Variants in ARID1A observed in about 807,000 individuals in gnomAD.
ARID1A encodes the protein AT-rich interactive domain-containing protein 1A.
In ARID1A, 20 loss-of-function variants were observed where a neutral mutation model predicts 212.6. The observed-to-expected ratio is 0.09, with a 90% CI of 0.07 to 0.14. The LOEUF (loss-of-function observed/expected upper bound fraction) is 0.14. ARID1A is among the 10% of genes least tolerant of loss of function. The pLI, the probability that ARID1A is intolerant of heterozygous loss-of-function variation, is 1.00. For missense variants in ARID1A, 2,587 were observed against 3,059.0 expected (o/e 0.85, Z 3.64); for synonymous variants, 1,376 against 1,222.1 (o/e 1.13, Z -2.63).
In ARID1A at chr1:26,696,155, G is replaced by T; in HGVS notation, c.-249G>T. The T allele has an allele frequency of 9.8e-6, 5 of 509,244 alleles. No homozygotes were observed. Among genetic ancestry groups the T allele is most frequent in the Non-Finnish European group, 1.4e-5 (5 of 359,636 alleles). The allele number at this position is 509,244 out of a possible 1,614,324, so 31.5% of individuals were successfully genotyped here. A position where few individuals can be genotyped will look rare whatever the true frequency, so the allele number is the denominator to read the frequency against. ...AGCCGGGTCCCGAGCCTACAGAGCC[G>T]GGAGCAGCTGAGCCGCCGGCGCCTC... On this transcript the variant is annotated 5_prime_UTR_variant, in exon 1 of 20. Transcript: ENST00000324856.
intron 1 of ARID1A, among the ~76,000 whole-genome samples, chr1:26,719,027 G>C (rs913441757): frequency 2.0e-5 from 3 of 152,140 alleles, no homozygotes; most frequent in Non-Finnish European, 4.4e-5. Flanking sequence ...CAAAATCAAG[G>C]ATAATGGGGG....
Position 26,697,259 on chromosome 1 carries a change from A to G in ARID1A, c.856A>G (p.Thr286Ala), listed in dbSNP as rs755778566. 6.6e-6 allele frequency: 9 copies of G among 1,369,104 alleles called. No individual in the cohort carries two copies. The highest frequency in any genetic ancestry group is 7.5e-6 in the Non-Finnish European group (8 of 1,069,080). 84.8% of individuals were successfully genotyped at this position (1,369,104 alleles called of 1,614,324 possible). A position where few individuals can be genotyped will look rare whatever the true frequency, so the allele number is the denominator to read the frequency against. ...CGGCCCCTCCGCGGCCGGCGGGGGA[A>G]CTCCCCAGCCCACCGCCACCCCCAC... The part of the protein sequence containing the change: ...GGGPSAAGGG[T>A]PQPTATPTLN... The change falls in exon 1 of 20, where the codon ACT (threonine) becomes GCT (alanine). Residue 286 changes from threonine to alanine, a missense_variant. Physicochemically the swap from Thr to Ala is moderately conservative, Grantham distance 58. This residue lies in a region of ARID1A where 735 missense variants were observed against 590.6 expected (regional missense o/e 1.24). Coordinates refer to ENST00000324856, the MANE Select transcript of ARID1A (RefSeq NM_006015.6).
intron 14 of ARID1A, among the ~76,000 whole-genome samples, 154 bp downstream of exon 14, chr1:26,773,141 TTCTTG>T (rs1194052430): frequency 2.6e-5 from 4 of 151,998 alleles, no homozygotes; most frequent in Non-Finnish European, 5.9e-5. Flanking sequence ...CTTACCTCCT[TTCTTG>T]TCTTCTCCTT....
rs188551365 is a variant in ARID1A, at chr1:26,732,313, G to T, written c.1804-363G>T. ...GTTGGAATAAATATCTCATCCCAAG[G>T]TGATGTCTTTGAATGAAGCAGTACT... On this transcript the variant is annotated intron_variant, in intron 3 of 19. Coordinates refer to ENST00000324856, the MANE Select transcript of ARID1A (RefSeq NM_006015.6). 3.4e-3 allele frequency among the ~76,000 whole-genome samples: 516 copies of T among 152,252 alleles called. 2 individuals are homozygous for T. Among genetic ancestry groups the T allele is most frequent in the Non-Finnish European group, 5.4e-3 (365 of 68,012 alleles).
At chr1:26,701,925 G>A (rs956908897) in intron 1 of ARID1A, among the ~76,000 whole-genome samples, 1 of 152,196 alleles carries the variant, frequency 6.6e-6, no homozygotes, top group African/African-American at 2.4e-5. Flanking sequence ...GGAAAGTTAG[G>A]TAGATTTCAT....
Position 26,765,996 on chromosome 1 carries a change from C to T in ARID1A, c.2733-225C>T, listed in dbSNP as rs191266592. Reference sequence around the variant, plus strand: ...GATTAAGGCTGCAGTAAGCTATGATCACACCACTGCATTCCAGCCAGGGTG... The same window carrying T: ...GATTAAGGCTGCAGTAAGCTATGATTACACCACTGCATTCCAGCCAGGGTG... On this transcript the variant is annotated intron_variant, in intron 8 of 19. Transcript: ENST00000324856. The T allele has an allele frequency of 2.0e-4, 107 of 530,194 alleles. No individual in the cohort carries two copies. The East Asian group carries it at 3.3e-3, about 17-fold the overall frequency. The allele number at this position is 530,194 out of a possible 1,614,324, so 32.8% of individuals were successfully genotyped here. A position where few individuals can be genotyped will look rare whatever the true frequency, so the allele number is the denominator to read the frequency against.
Position 26,763,077 on chromosome 1 carries a change from C to T in ARID1A, c.2524C>T (p.His842Tyr), listed in dbSNP as rs923663579. ...INPMGAGGQMHGQPGIPPYGT... is the reference protein window; with the variant it reads ...INPMGAGGQMYGQPGIPPYGT... The stretch of plus-strand genomic sequence containing the variant: ...CCCCATGGGTGCCGGAGGTCAAATG[C>T]ATGGACAGCCTGGCATCCCACCTTA... Residue 842 changes from histidine (H) to tyrosine (Y), a missense_variant, in exon 8 of 20, where the codon CAT becomes TAT. By Grantham distance (83) the His-to-Tyr change is moderately conservative. Around this residue, in one of 11 missense-constraint regions of ARID1A, gnomAD observed 674 missense variants for 813.4 expected, o/e 0.83. Coordinates refer to ENST00000324856, the MANE Select transcript of ARID1A (RefSeq NM_006015.6). 2 of 1,614,260 alleles carry T rather than the reference C, an allele frequency of 1.2e-6. No individual in the cohort carries two copies. The highest frequency in any genetic ancestry group is 1.7e-6 in the Non-Finnish European group (2 of 1,180,044).
At chr1:26,708,893 C>T (rs1387735652) in intron 1 of ARID1A, among the ~76,000 whole-genome samples, 2 of 151,746 alleles carry the variant, frequency 1.3e-5, no homozygotes, top group Non-Finnish European at 2.9e-5. Flanking sequence ...GATGGGGCTT[C>T]ACCATGTTAG....
At position 26,751,147 on chromosome 1, in the gene ARID1A, C is replaced by G. The variant is rs1276094599; in HGVS notation, c.1921-9709C>G. Among the ~76,000 whole-genome samples the G allele has an allele frequency of 2.0e-5, 3 of 151,724 alleles. No individual in the cohort carries two copies. In the East Asian group the frequency reaches 5.8e-4, roughly 30 times the overall value. ...GCGAGGGTCTGTAATCCCAGCTACT[C>G]GGGAGGCTGAGGCAGGAGAATCACT... is the stretch of plus-strand genomic sequence containing the variant. On this transcript the variant is annotated intron_variant, in intron 4 of 19. Coordinates refer to ENST00000324856, the MANE Select transcript of ARID1A (RefSeq NM_006015.6).
At position 26,725,395 on chromosome 1, in the gene ARID1A, C is replaced by T. The variant is rs150796581; in HGVS notation, c.1138-4256C>T. ...GTAACTGCAAATCACAAATATTTCACGATGGTTTTAAATGTCATAAGTGTG... is the reference window on the plus strand; with the variant it reads ...GTAACTGCAAATCACAAATATTTCATGATGGTTTTAAATGTCATAAGTGTG... On this transcript the variant is annotated intron_variant, in intron 1 of 19. Transcript: ENST00000324856. Among the ~76,000 whole-genome samples, 21 of 152,248 alleles carry T rather than the reference C, an allele frequency of 1.4e-4. No individual in the cohort carries two copies. The East Asian group carries it at 3.5e-3, about 25-fold the overall frequency.
intron 1 of ARID1A, among the ~76,000 whole-genome samples, chr1:26,727,210 G>C (rs2080627358): frequency 6.6e-6 from 1 of 152,190 alleles, no homozygotes; most frequent in Admixed American, 6.5e-5. Flanking sequence ...GGTGAGAGAG[G>C]TAGGATTTGG....
chr1:26,745,670 C>T (rs2080829480), intron 4 of ARID1A, among the ~76,000 whole-genome samples: 1 of 152,054 alleles, frequency 6.6e-6, no homozygotes, highest in Non-Finnish European at 1.5e-5. Flanking sequence ...TAAATGAGAA[C>T]ATTGGATTCT....
Position 26,780,703 on chromosome 1 carries a change from T to A in ARID1A, c.6805T>A (p.Ser2269Thr). ...LDISVSPLMN[S>T]LVSQVICDVL... ...CATCTCGGTATCACCGTTGATGAACTCATTGGTTTCACAAGTCATTTGTGA... is the reference window on the plus strand; with the variant it reads ...CATCTCGGTATCACCGTTGATGAACACATTGGTTTCACAAGTCATTTGTGA... Residue 2269 changes from serine (S) to threonine (T), a missense_variant, in exon 20 of 20, where the codon TCA becomes ACA. Ser to Thr is a moderately conservative substitution (Grantham distance 58). Coordinates refer to ENST00000324856, the MANE Select transcript of ARID1A (RefSeq NM_006015.6). This position sits in a 1 kb window ranked among gnomAD's most constrained non-coding sequence, Gnocchi z 7.2. 1 of 1,593,236 alleles carries A rather than the reference T, an allele frequency of 6.3e-7. No homozygotes were observed. The highest frequency in any genetic ancestry group is 1.1e-5 in the South Asian group (1 of 90,766).
At chr1:26,754,383 A>G (rs1359123651) in intron 4 of ARID1A, among the ~76,000 whole-genome samples, 2 of 152,174 alleles carry the variant, frequency 1.3e-5, no homozygotes, top group Non-Finnish European at 2.9e-5. Context: ...ATTTACTATG[A>G]CTAGCCACTG....
chr1:26,724,675 G>T (rs2080599746), intron 1 of ARID1A, among the ~76,000 whole-genome samples: 1 of 152,128 alleles, frequency 6.6e-6, no homozygotes, highest in Admixed American at 6.6e-5. Flanking sequence ...AGCCGTTTTT[G>T]GGGGTCATTT....
intron 4 of ARID1A, among the ~76,000 whole-genome samples, chr1:26,749,223 G>A (rs887314414): frequency 6.6e-6 from 1 of 152,128 alleles, no homozygotes; most frequent in Non-Finnish European, 1.5e-5. Context: ...GCAGTGTCTT[G>A]TGGACTGCCC....
At chr1:26,725,319 T>G (rs951817276) in intron 1 of ARID1A, among the ~76,000 whole-genome samples, 10 of 152,200 alleles carry the variant, frequency 6.6e-5, no homozygotes, top group African/African-American at 2.2e-4. Context: ...GATTAGTGAA[T>G]ATTTAAGGCC....
intron 1 of ARID1A, among the ~76,000 whole-genome samples, chr1:26,726,495 T>C (rs1466807096): frequency 1.3e-5 from 2 of 152,170 alleles, no homozygotes; most frequent in Non-Finnish European, 2.9e-5. Context: ...TAAAGTGTGC[T>C]TGTTCTCCCT....
intron 1 of ARID1A, among the ~76,000 whole-genome samples, chr1:26,700,741 T>C (rs1376029912): frequency 1.3e-5 from 2 of 152,200 alleles, no homozygotes; most frequent in African/African-American, 2.4e-5. Context: ...AATCCTAGAT[T>C]TATTATGGGA....
Sources: allele counts gnomAD v4.1 joint callset (sites outside exome capture counted in the v4.1 genomes callset), GRCh38; gene constraint gnomAD v4.1.1; regional missense constraint gnomAD v4.1.1; non-coding constraint Gnocchi (gnomAD v3.1); transcripts MANE v1.5; gene names NCBI Gene and HGNC (gene_info 2026-07-23, HGNC 2026-07-21).